Variants in PCDH11Y observed in about 807,000 individuals in gnomAD.
PCDH11Y encodes the protein protocadherin-11 Y-linked.
For synonymous variants in PCDH11Y, 9 were observed against 83.6 expected (o/e 0.11, Z 4.87); for missense variants, 12 against 224.8 (o/e 0.05, Z 6.05).
At chrY:5,232,250 C>G in intron 2 of PCDH11Y, among the ~76,000 whole-genome samples, 7 of 32,916 alleles carry the variant, frequency 2.1e-4, no homozygotes, top group Admixed American at 2.0e-3. Flanking sequence ...TTTTCTCAAG[C>G]AGGAGTTTTG....
intron 4 of PCDH11Y, among the ~76,000 whole-genome samples, chrY:5,632,868 A>G (rs2124703868): frequency 3.0e-5 from 1 of 33,046 alleles, no homozygotes; most frequent in Admixed American, 2.8e-4. Context: ...ATTTTCATAA[A>G]GTTCTTCACA....
chrY:5,439,613 A>G (rs2053278732), intron 2 of PCDH11Y, among the ~76,000 whole-genome samples: 1 of 33,808 alleles, frequency 3.0e-5, no homozygotes, highest in African/African-American at 1.2e-4. Flanking sequence ...TAGGAAATGC[A>G]GCGTTCCAAT....
intron 2 of PCDH11Y, among the ~76,000 whole-genome samples, chrY:5,220,883 T>C (rs2052953922): frequency 3.3e-5 from 1 of 30,086 alleles, no homozygotes; most frequent in Non-Finnish European, 8.0e-5. Context: ...CATGCCCAGC[T>C]AATTTTTGTA....
Position 5,486,672 on chromosome Y carries a change from CATAT to C in PCDH11Y, c.3130-14355_3130-14352del. Among the ~76,000 whole-genome samples, 16 of 3,066 alleles carry C rather than the reference CATAT, an allele frequency of 5.2e-3. No homozygotes were observed. The South Asian group carries it at 0.14, about 26-fold the overall frequency. 8.2% of individuals were successfully genotyped at this position (3,066 alleles called of 37,273 possible). On this transcript the variant is annotated intron_variant, in intron 2 of 4. Coordinates refer to the PCDH11Y transcript ENST00000400457. ...TCACTTACTTTTTAATCATTCCATT[CATAT>C]ATATATATATATATATATATATATA...
chrY:5,114,012 C>T (rs2052805698), intron 2 of PCDH11Y, among the ~76,000 whole-genome samples: 1 of 32,318 alleles, frequency 3.1e-5, no homozygotes, highest in Non-Finnish European at 7.5e-5. Context: ...ACATTTGTCC[C>T]GTCGCCATTT....
intron 3 of PCDH11Y, among the ~76,000 whole-genome samples, chrY:5,038,124 G>A (rs2124622543): frequency 3.0e-5 from 1 of 32,879 alleles, no homozygotes; most frequent in Admixed American, 2.8e-4. Flanking sequence ...AGTGCTCTGA[G>A]CATATATTTA....
At chrY:5,726,050 A>G (rs2124714580) in intron 4 of PCDH11Y, among the ~76,000 whole-genome samples, 2 of 32,937 alleles carry the variant, frequency 6.1e-5, no homozygotes, top group African/African-American at 2.3e-4. Context: ...ATAATAACGA[A>G]TCTTGGTAAG....
At chrY:5,485,690 A>G in intron 2 of PCDH11Y, among the ~76,000 whole-genome samples, 3 of 30,769 alleles carry the variant, frequency 9.8e-5, no homozygotes, top group African/African-American at 2.5e-4. Context: ...TGTTGTTTTT[A>G]TTGCATTTTC....
At chrY:5,357,841 A>T in intron 2 of PCDH11Y, among the ~76,000 whole-genome samples, 1 of 33,988 alleles carries the variant, frequency 2.9e-5, no homozygotes, top group South Asian at 6.4e-4. Flanking sequence ...TGTTCACATT[A>T]GCCTGGATAA....
At chrY:5,325,414 T>G in intron 2 of PCDH11Y, among the ~76,000 whole-genome samples, 1 of 31,970 alleles carries the variant, frequency 3.1e-5, no homozygotes, top group Non-Finnish European at 7.6e-5. Context: ...GGAGGTCTTG[T>G]GGTAAGGGGT....
intron 4 of PCDH11Y, among the ~76,000 whole-genome samples, chrY:5,656,521 T>G: frequency 6.5e-5 from 2 of 30,757 alleles, no homozygotes; most frequent in African/African-American, 2.6e-4. Context: ...TGCTGAAGAT[T>G]TTCCCCCCCA....
chrY:5,303,923 ATGTG>A (rs2053086696), intron 2 of PCDH11Y, among the ~76,000 whole-genome samples: 10 of 33,505 alleles, frequency 3.0e-4, no homozygotes, highest in African/African-American at 1.1e-3. Flanking sequence ...AACAAATGTG[ATGTG>A]CCTCATGCTC....
At chrY:5,444,799 C>A (rs2124682134) in intron 2 of PCDH11Y, among the ~76,000 whole-genome samples, 1 of 33,008 alleles carries the variant, frequency 3.0e-5, no homozygotes, top group Admixed American at 2.8e-4. Flanking sequence ...TCCGAAGTGT[C>A]CATCAACAGT....
intron 2 of PCDH11Y, among the ~76,000 whole-genome samples, chrY:5,116,568 T>G: frequency 1.2e-4 from 4 of 33,424 alleles, no homozygotes. Context: ...TATGTTTGTG[T>G]GGTGTTTTAC....
intron 4 of PCDH11Y, among the ~76,000 whole-genome samples, chrY:5,727,910 GC>G (rs2053600043): frequency 3.1e-5 from 1 of 32,285 alleles, no homozygotes; most frequent in Non-Finnish European, 7.6e-5. Context: ...ATTTATTTGT[GC>G]TGCTCTGCTA....
chrY:5,717,447 G>A, intron 4 of PCDH11Y, among the ~76,000 whole-genome samples: 2 of 33,436 alleles, frequency 6.0e-5, no homozygotes, highest in Non-Finnish European at 1.5e-4. Flanking sequence ...CACAAAATGT[G>A]AATATACATT....
chrY:5,688,569 CATT>C (rs2053565501), intron 4 of PCDH11Y, among the ~76,000 whole-genome samples: 2 of 30,855 alleles, frequency 6.5e-5, no homozygotes, highest in African/African-American at 1.3e-4. Context: ...AAAAAAATGT[CATT>C]AATCCTTTAT....
At chrY:5,443,010 A>G in intron 2 of PCDH11Y, among the ~76,000 whole-genome samples, 1 of 32,899 alleles carries the variant, frequency 3.0e-5, no homozygotes, top group South Asian at 6.7e-4. Context: ...CACCAATTCT[A>G]TACAAACTCC....
chrY:5,546,065 A>G (rs2053412748), intron 3 of PCDH11Y, among the ~76,000 whole-genome samples: 2 of 32,471 alleles, frequency 6.2e-5, no homozygotes, highest in African/African-American at 2.4e-4. Flanking sequence ...ATCATCTTCA[A>G]TACAATTTTA....
Sources: allele counts gnomAD v4.1 joint callset (sites outside exome capture counted in the v4.1 genomes callset), GRCh38; gene constraint gnomAD v4.1.1; transcripts MANE v1.5; gene names NCBI Gene and HGNC (gene_info 2026-07-23, HGNC 2026-07-21).